PRR11: variants seen among roughly 807,000 people sequenced by gnomAD.
PRR11 encodes the protein proline-rich protein 11.
In PRR11, 30 loss-of-function variants were observed where a neutral mutation model predicts 45.6. The observed-to-expected ratio is 0.66, with a 90% CI of 0.49 to 0.89. The LOEUF (loss-of-function observed/expected upper bound fraction) is 0.89, where lower values mean the gene tolerates loss of function less well. Ranked by LOEUF, PRR11 falls within the 40% of genes least tolerant of loss-of-function variation. The probability of loss-of-function intolerance (pLI) is 0.00; values close to 1 mark genes in which losing one functional copy is unlikely to be tolerated. For missense variants in PRR11, 373 were observed against 424.8 expected (o/e 0.88, Z 1.07); for synonymous variants, 128 against 153.5 (o/e 0.83, Z 1.23).
rs1423744335 is a variant in PRR11 at position 59,203,986 on chromosome 17, TA to T, written c.*2357del. 1 of 152,106 alleles carries T rather than the reference TA, an allele frequency of 6.6e-6. No homozygotes were observed. The highest frequency in any genetic ancestry group is 1.5e-5 in the Non-Finnish European group (1 of 68,024). 9.4% of individuals were successfully genotyped at this position (152,106 alleles called of 1,614,324 possible). A position where few individuals can be genotyped will look rare whatever the true frequency, so the allele number is the denominator to read the frequency against. Reference sequence around the variant, plus strand: ...TGAGAATAAAGCAGTTGAGTATTTATAACAATAATATTTTATGGGGCGCTTA... The same window carrying T: ...TGAGAATAAAGCAGTTGAGTATTTATACAATAATATTTTATGGGGCGCTTA... On this transcript the variant is annotated 3_prime_UTR_variant, in exon 10 of 10. Coordinates refer to ENST00000262293, the MANE Select transcript of PRR11 (RefSeq NM_018304.4).
chr17:59,178,978 A>AT lies in PRR11; in HGVS notation c.129-6070dup, dbSNP rs1367303454. 9.2e-5 allele frequency among the ~76,000 whole-genome samples: 14 copies of AT among 152,046 alleles called. No homozygotes were observed. The East Asian group carries it at 1.9e-3, about 21-fold the overall frequency. The stretch of plus-strand genomic sequence containing the variant: ...GGCACAGCTGAAGCCGCTTTCTTTG[A>AT]TTTTTTATTGTGATTTATTGATTTA... On this transcript the variant is annotated intron_variant, in intron 2 of 9. Coordinates refer to ENST00000262293, the MANE Select transcript of PRR11 (RefSeq NM_018304.4).
chr17:59,196,226 G>A (rs1301969207), intron 7 of PRR11, among the ~76,000 whole-genome samples: 1 of 151,850 alleles, frequency 6.6e-6, no homozygotes, highest in African/African-American at 2.4e-5. Context: ...GATAGGAAGA[G>A]TTCATGATAT....
chr17:59,156,532 G>A (rs2046624731), intron 1 of PRR11, among the ~76,000 whole-genome samples: 1 of 152,146 alleles, frequency 6.6e-6, no homozygotes, highest in African/African-American at 2.4e-5. Context: ...TATTTGTGGA[G>A]GAGCGCAAGA....
In PRR11 at chr17:59,205,086, G is replaced by T. The variant is rs565112098; in HGVS notation, c.*3455G>T. On this transcript the variant is annotated 3_prime_UTR_variant, in exon 10 of 10. Transcript: ENST00000262293. ...AATGAGGCCAGGCAAAAAAAAAAAA[G>T]TCCTGTGGAAATCATATAGACAAAC... 2.6e-5 allele frequency among the ~76,000 whole-genome samples: 4 copies of T among 151,496 alleles called. No homozygotes were observed. The highest frequency in any genetic ancestry group is 5.9e-5 in the Non-Finnish European group (4 of 67,860).
intron 2 of PRR11, among the ~76,000 whole-genome samples, chr17:59,172,487 C>T (rs1464805173): frequency 2.0e-5 from 3 of 152,194 alleles, no homozygotes; most frequent in African/African-American, 7.2e-5. Context: ...TGGCCAAGGC[C>T]GGAGCCAGCT....
At chr17:59,201,541 T>C (rs2046892293) in intron 9 of PRR11, 22 bp from the exon 10 acceptor site, 2 of 1,601,242 alleles carry the variant, frequency 1.2e-6, no homozygotes, top group East Asian at 2.2e-5. Flanking sequence ...GATATTATAA[T>C]TGGGACTTTT....
intron 2 of PRR11, among the ~76,000 whole-genome samples, chr17:59,180,992 G>T (rs773002787): frequency 1.1e-4 from 17 of 151,030 alleles, no homozygotes; most frequent in Non-Finnish European, 2.2e-4. Context: ...TTTTTTTGTT[G>T]TTTTTTTGTT....
chr17:59,194,783 C>G lies in PRR11; in HGVS notation c.672C>G (p.Pro224=). The change falls in exon 6 of 10, where the codon CCC becomes CCG. Residue 224 remains proline, a synonymous_variant. Coordinates refer to ENST00000262293, the MANE Select transcript of PRR11 (RefSeq NM_018304.4). ...CTGGACCATTAAAAAAAGATGGACC[C>G]ATGCAGATAACAGTTAAAGATCTGC... The part of the protein sequence containing the change: ...LQAGPLKKDG[P]MQITVKDLLT... 1 of 1,613,502 alleles carries G rather than the reference C, an allele frequency of 6.2e-7. No individual in the cohort carries two copies. Among genetic ancestry groups the G allele is most frequent in the South Asian group, 1.1e-5 (1 of 91,014 alleles).
intron 1 of PRR11, among the ~76,000 whole-genome samples, chr17:59,157,875 T>C (rs2046633747): frequency 6.6e-6 from 1 of 152,242 alleles, no homozygotes; most frequent in Middle Eastern, 3.4e-3. Flanking sequence ...AAGAGGATAC[T>C]CTAAACAGAA....
intron 1 of PRR11, among the ~76,000 whole-genome samples, chr17:59,161,096 A>G (rs958284830): frequency 1.3e-5 from 2 of 152,080 alleles, no homozygotes; most frequent in Non-Finnish European, 2.9e-5. Flanking sequence ...AAAGCAGTGT[A>G]AGAAAAAAAC....
chr17:59,164,742 G>T (rs952217160), intron 1 of PRR11, among the ~76,000 whole-genome samples: 1 of 151,824 alleles, frequency 6.6e-6, no homozygotes. Context: ...AGCCGGGCAT[G>T]GTGGCGCGCG....
In PRR11 at chr17:59,197,664, A is replaced by T. The variant is rs746768872; in HGVS notation, c.918-29A>T. On this transcript the variant is annotated intron_variant, in intron 8 of 9. Transcript: ENST00000262293. The stretch of plus-strand genomic sequence containing the variant: ...CATTTTAAAAGTTGCCATAAAATAC[A>T]GCTACTGTTATTTTCAATACCTTTG... 2.5e-6 allele frequency: 4 copies of T among 1,610,370 alleles called. No individual in the cohort carries two copies. In the African/African-American group the frequency reaches 4.0e-5, roughly 16 times the overall value.
chr17:59,193,547 G>A lies in PRR11; in HGVS notation c.458G>A (p.Gly153Asp). 6.2e-7 allele frequency: 1 copy of A among 1,614,168 alleles called. No individual in the cohort carries two copies. The highest frequency in any genetic ancestry group is 8.5e-7 in the Non-Finnish European group (1 of 1,180,026). ...TGTGGTCAAACATGTCACATGAGTGGTAAACTTACAAATGTGCCTGCCTGC... is the reference window on the plus strand; with the variant it reads ...TGTGGTCAAACATGTCACATGAGTGATAAACTTACAAATGTGCCTGCCTGC... ...PSCGQTCHMSGKLTNVPACVL... is the reference protein window; with the variant it reads ...PSCGQTCHMSDKLTNVPACVL... Residue 153 changes from glycine (G) to aspartate (D), a missense_variant, in exon 5 of 10, where the codon GGT (glycine) becomes GAT (aspartate). By Grantham distance (94) the Gly-to-Asp change is moderately conservative. Transcript: ENST00000262293.
intron 2 of PRR11, among the ~76,000 whole-genome samples, chr17:59,179,130 G>A (rs1159657921): frequency 6.6e-6 from 1 of 152,150 alleles, no homozygotes; most frequent in African/African-American, 2.4e-5. Flanking sequence ...CCCCTGAGTA[G>A]CTGGGATTAC....
At chr17:59,182,451 G>C (rs1262612819) in intron 2 of PRR11, among the ~76,000 whole-genome samples, 1 of 143,926 alleles carries the variant, frequency 6.9e-6, no homozygotes. Flanking sequence ...GAGTGCGGTA[G>C]CACAATCTTG....
rs1246484863 is a variant in PRR11, at chr17:59,204,529, C to T, written c.*2898C>T. Reference sequence around the variant, plus strand: ...CCAGCCTGGCCAACATGGTGAAACCCCGTCTCTACCAAAAATAAAAATAAA... The same window carrying T: ...CCAGCCTGGCCAACATGGTGAAACCTCGTCTCTACCAAAAATAAAAATAAA... On this transcript the variant is annotated 3_prime_UTR_variant, in exon 10 of 10. Coordinates refer to ENST00000262293, the MANE Select transcript of PRR11 (RefSeq NM_018304.4). The T allele has an allele frequency of 1.3e-5, 2 of 151,552 alleles. No homozygotes were observed. Among genetic ancestry groups the T allele is most frequent in the East Asian group, 3.9e-4 (2 of 5,172 alleles). The allele number at this position is 151,552 out of a possible 1,614,324, so 9.4% of individuals were successfully genotyped here.
At chr17:59,191,736 A>G (rs1357019587) in intron 4 of PRR11, among the ~76,000 whole-genome samples, 1 of 151,904 alleles carries the variant, frequency 6.6e-6, no homozygotes, top group East Asian at 1.9e-4. Context: ...AGTGGTTTCT[A>G]TTTTCCTGAC....
At chr17:59,197,918 A>T (rs2046874683) in intron 9 of PRR11, 129 bp downstream of exon 9, 1 of 749,426 alleles carries the variant, frequency 1.3e-6, no homozygotes, top group Non-Finnish European at 2.2e-6. Flanking sequence ...CTAGCAGTTC[A>T]AGATGGGCAA....
intron 1 of PRR11, among the ~76,000 whole-genome samples, chr17:59,157,661 C>A (rs571041860): frequency 3.3e-5 from 5 of 151,998 alleles, no homozygotes; most frequent in African/African-American, 1.2e-4. Context: ...GAGATCACAC[C>A]ACTGCACTCC....
Sources: allele counts gnomAD v4.1 joint callset (sites outside exome capture counted in the v4.1 genomes callset), GRCh38; gene constraint gnomAD v4.1.1; transcripts MANE v1.5; gene names NCBI Gene and HGNC (gene_info 2026-07-23, HGNC 2026-07-21).